ITGB6: variants seen among roughly 807,000 people sequenced by gnomAD.
ITGB6 encodes the protein integrin beta-6.
ITGB6 carries 80 observed loss-of-function variants against 84.5 expected under a neutral mutation model. The observed-to-expected ratio is 0.95, with a 90% CI of 0.79 to 1.14. The LOEUF is 1.14. Ranked by LOEUF, ITGB6 falls within the 50% of genes most tolerant of loss-of-function variation. The probability of loss-of-function intolerance (pLI) is 0.00; values close to 1 mark genes in which losing one functional copy is unlikely to be tolerated. For missense variants in ITGB6, 1,006 were observed against 968.0 expected (o/e 1.04, Z -0.52); for synonymous variants, 383 against 354.9 (o/e 1.08, Z -0.89).
intron 7 of ITGB6, among the ~76,000 whole-genome samples, chr2:160,145,162 C>A (rs1050385455): frequency 6.6e-6 from 1 of 152,060 alleles, no homozygotes; most frequent in Non-Finnish European, 1.5e-5. Context: ...ATTTTGCATG[C>A]CTGGATGTGA....
At chr2:160,123,960 A>G in intron 11 of ITGB6, 72 bp from the exon 12 acceptor site, 1 of 1,095,310 alleles carries the variant, frequency 9.1e-7, no homozygotes, top group South Asian at 1.3e-5. Flanking sequence ...ATATTGCTTT[A>G]CTGCTGTTGT....
At chr2:160,142,215 A>T in intron 7 of ITGB6, 144 bp from the exon 8 acceptor site, 1 of 583,350 alleles carries the variant, frequency 1.7e-6, no homozygotes, top group Non-Finnish European at 3.1e-6. Context: ...TTTTCTCCTG[A>T]AACTGTAGCC....
chr2:160,170,865 G>A (rs1039133669), intron 6 of ITGB6, among the ~76,000 whole-genome samples: 4 of 152,146 alleles, frequency 2.6e-5, no homozygotes, highest in Non-Finnish European at 5.9e-5. Flanking sequence ...AACCTGCCTC[G>A]TTCAAAATGG....
At chr2:160,102,342 T>C (rs1429117742) in intron 14 of ITGB6, among the ~76,000 whole-genome samples, 1 of 152,208 alleles carries the variant, frequency 6.6e-6, no homozygotes, top group Non-Finnish European at 1.5e-5. Context: ...CAAATAATCA[T>C]GCTAAGATGA....
Position 160,138,209 on chromosome 2 carries a change from C to T in ITGB6, c.1108-10G>A, listed in dbSNP as rs777147513. The T allele has an allele frequency of 1.3e-6, 2 of 1,590,300 alleles. No homozygotes were observed. Among genetic ancestry groups the T allele is most frequent in the South Asian group, 1.2e-5 (1 of 85,814 alleles). On this transcript the variant is annotated splice_polypyrimidine_tract_variant and intron_variant, in intron 8 of 14. Coordinates refer to ENST00000283249, the MANE Select transcript of ITGB6 (RefSeq NM_000888.5). ...CCTCAGACCGCAGTTCCTTTAGTTA[C>T]AACATAAAGAGTTCAGTGAAGTCAC...
intron 14 of ITGB6, among the ~76,000 whole-genome samples, chr2:160,105,906 A>G (rs1426452033): frequency 6.6e-6 from 1 of 152,176 alleles, no homozygotes; most frequent in Non-Finnish European, 1.5e-5. Context: ...CTCCTGAGGA[A>G]TTTTGCTTAA....
At chr2:160,157,413 A>G (rs1408303834) in intron 7 of ITGB6, among the ~76,000 whole-genome samples, 1 of 152,146 alleles carries the variant, frequency 6.6e-6, no homozygotes, top group Non-Finnish European at 1.5e-5. Flanking sequence ...CCAGTCACAG[A>G]TGTAATACAT....
chr2:160,124,928 T>C (rs1054055729), intron 11 of ITGB6, among the ~76,000 whole-genome samples: 1 of 152,212 alleles, frequency 6.6e-6, no homozygotes, highest in Admixed American at 6.5e-5. Flanking sequence ...TTCTAGATTG[T>C]ATATTTATTT....
At chr2:160,192,127 G>C (rs1686165097) in intron 4 of ITGB6, among the ~76,000 whole-genome samples, 1 of 152,058 alleles carries the variant, frequency 6.6e-6, no homozygotes, top group African/African-American at 2.4e-5. Context: ...TTGACAAGTT[G>C]ATTCTAAAAT....
chr2:160,111,600 T>TTTTA (rs386391640), intron 13 of ITGB6, among the ~76,000 whole-genome samples: 1 of 15,948 alleles, frequency 6.3e-5, no homozygotes, highest in Non-Finnish European at 1.5e-4. Context: ...ATCTTAGCTG[T>TTTTA]TTTTTTTTTT....
intron 12 of ITGB6, among the ~76,000 whole-genome samples, chr2:160,121,965 G>A (rs923377598): frequency 1.1e-4 from 16 of 151,474 alleles, no homozygotes; most frequent in Admixed American, 9.9e-4. Context: ...GGAAGGGTAG[G>A]TTGTTAAAAG....
intron 7 of ITGB6, among the ~76,000 whole-genome samples, chr2:160,168,822 T>C (rs1685098197): frequency 6.6e-6 from 1 of 152,212 alleles, no homozygotes; most frequent in South Asian, 2.1e-4. Flanking sequence ...CCAAAGAATG[T>C]GAAGTCAATT....
chr2:160,149,306 A>G (rs1331308161), intron 7 of ITGB6, among the ~76,000 whole-genome samples: 1 of 152,206 alleles, frequency 6.6e-6, no homozygotes, highest in African/African-American at 2.4e-5. Flanking sequence ...TGATACCCAG[A>G]CAAACAGGGT....
chr2:160,129,500 C>T (rs185501885), intron 10 of ITGB6, among the ~76,000 whole-genome samples: 6 of 151,488 alleles, frequency 4.0e-5, no homozygotes, highest in South Asian at 2.1e-4. Flanking sequence ...GTGTTTAGAA[C>T]GGTACCTGGC....
At position 160,101,711 on chromosome 2, in the gene ITGB6, G is replaced by T; in HGVS notation, c.*25C>A. ...ATTAACATTTCATATCAGTGAAACA[G>T]ACTTTTTTCATGCATAAAGTAGTTC... is the stretch of plus-strand genomic sequence containing the variant. On this transcript the variant is annotated 3_prime_UTR_variant, in exon 15 of 15. Coordinates refer to ENST00000283249, the MANE Select transcript of ITGB6 (RefSeq NM_000888.5). 8.0e-7 allele frequency: 1 copy of T among 1,248,846 alleles called. No individual in the cohort carries two copies. The highest frequency in any genetic ancestry group is 1.2e-6 in the Non-Finnish European group (1 of 849,194). 77.4% of individuals were successfully genotyped at this position (1,248,846 alleles called of 1,614,324 possible). A position where few individuals can be genotyped will look rare whatever the true frequency, so the allele number is the denominator to read the frequency against.
intron 10 of ITGB6, among the ~76,000 whole-genome samples, chr2:160,136,447 T>C (rs1208589359): frequency 6.6e-6 from 1 of 152,178 alleles, no homozygotes; most frequent in East Asian, 1.9e-4. Context: ...TTTTACACTG[T>C]TGGTGGGACT....
In ITGB6 at chr2:160,126,580, CCA is replaced by C. The variant is rs1269593750; in HGVS notation, c.1680_1681del (p.Cys560TrpfsTer2). On this transcript the variant is annotated frameshift_variant, in exon 11 of 15. Transcript: ENST00000283249. LOFTEE classifies it high-confidence loss of function. The stretch of plus-strand genomic sequence containing the variant: ...CCAGCCGCTCCTGCACACACATTCA[CCA>C]CAGTCACAGTCGCCGTTACCTGTAA... 6.2e-7 allele frequency: 1 copy of C among 1,613,490 alleles called. No individual in the cohort carries two copies. The highest frequency in any genetic ancestry group is 1.3e-5 in the African/African-American group (1 of 75,036).
chr2:160,110,511 T>G (rs1351423538), intron 13 of ITGB6, among the ~76,000 whole-genome samples: 1 of 152,200 alleles, frequency 6.6e-6, no homozygotes, highest in African/African-American at 2.4e-5. Flanking sequence ...GTATAGCATC[T>G]ACCCTAGCTG....
Position 160,137,742 on chromosome 2 carries a change from T to C in ITGB6, c.1352A>G (p.Glu451Gly), listed in dbSNP as rs755571854. The C allele has an allele frequency of 3.1e-6, 5 of 1,614,180 alleles. No homozygotes were observed. Among genetic ancestry groups the C allele is most frequent in the Admixed American group, 1.7e-5 (1 of 60,030 alleles). ...GDALELLVSP[E>G]CNCDCQKEVE... The stretch of plus-strand genomic sequence containing the variant: ...TTCTTTCTGACAGTCGCAGTTGCAT[T>C]CTGGGCTGACAAGTAATTCCAGGGC... The change falls in exon 10 of 15, where the codon GAA (glutamate) becomes GGA (glycine). Residue 451 changes from glutamate (E) to glycine (G), a missense_variant. Coordinates refer to ENST00000283249, the MANE Select transcript of ITGB6 (RefSeq NM_000888.5).
Sources: gnomAD v4.1 joint callset for allele counts (sites outside exome capture counted in the v4.1 genomes callset) on GRCh38, gnomAD v4.1.1 for gene constraint, MANE v1.5 for transcripts, NCBI Gene and HGNC (gene_info 2026-07-23, HGNC 2026-07-21) for gene names.